TENM3: variants seen among roughly 807,000 people sequenced by gnomAD.
The protein encoded by TENM3 is teneurin transmembrane protein 3.
TENM3 carries 63 observed loss-of-function variants against 255.1 expected under a neutral mutation model. The ratio of observed to expected loss-of-function variants is 0.25; its 90% CI spans 0.20 to 0.30. The LOEUF (loss-of-function observed/expected upper bound fraction) is 0.30, where lower values mean the gene tolerates loss of function less well. TENM3 is among the 10% of genes least tolerant of loss of function. The pLI is 1.00. For missense variants in TENM3, 2,929 were observed against 3,461.1 expected (o/e 0.85, Z 3.86); for synonymous variants, 1,306 against 1,322.3 (o/e 0.99, Z 0.27).
At chr4:182,263,066 T>C (rs1758961501) in intron 1 of TENM3, among the ~76,000 whole-genome samples, 1 of 152,024 alleles carries the variant, frequency 6.6e-6, no homozygotes, top group Non-Finnish European at 1.5e-5. Context: ...TCTCTTGGGG[T>C]CTGGATGGGG....
intron 1 of TENM3, among the ~76,000 whole-genome samples, chr4:182,290,738 CG>C (rs1761066674): frequency 1.3e-5 from 2 of 151,816 alleles, no homozygotes; most frequent in Admixed American, 1.3e-4. Context: ...CTCCTGACCT[CG>C]TGATCCGCCT....
intron 4 of TENM3, among the ~76,000 whole-genome samples, chr4:182,605,237 T>C (rs1748292163): frequency 6.6e-6 from 1 of 152,160 alleles, no homozygotes; most frequent in South Asian, 2.1e-4. Flanking sequence ...TAATTAAAGA[T>C]ACAACTTCAA....
the TENM3 span, among the ~76,000 whole-genome samples, chr4:181,953,310 T>C: frequency 6.6e-6 from 1 of 152,118 alleles, no homozygotes; most frequent in Non-Finnish European, 1.5e-5. Context: ...TCATCAGTCT[T>C]TGTGAATGTC....
At chr4:182,054,379 T>C in the TENM3 span, among the ~76,000 whole-genome samples, 1 of 152,306 alleles carries the variant, frequency 6.6e-6, no homozygotes, top group South Asian at 2.1e-4. Flanking sequence ...AGAGATTAAT[T>C]TCTTTAGCAA....
At position 182,714,188 on chromosome 4, in the gene TENM3, G is replaced by A. The variant is rs754650477; in HGVS notation, c.2323G>A (p.Val775Ile). ...QPGWRGAGCDVAMETLCTDSK... is the reference protein window; with the variant it reads ...QPGWRGAGCDIAMETLCTDSK... ...TGGATGGAGAGGAGCAGGCTGTGAC[G>A]TAGCCATGGAGACTCTTTGCACAGA... Residue 775 changes from valine (V) to isoleucine (I), a missense_variant, in exon 13 of 28, where the codon GTA becomes ATA. This residue lies in a region of TENM3 where 1,608 missense variants were observed against 1,884.4 expected (regional missense o/e 0.85). Transcript: ENST00000511685. 14 of 1,613,726 alleles carry A rather than the reference G, an allele frequency of 8.7e-6. No homozygotes were observed. Among genetic ancestry groups the A allele is most frequent in the South Asian group, 7.7e-5 (7 of 91,072 alleles).
At chr4:181,507,483 T>C in the TENM3 span, among the ~76,000 whole-genome samples, 3,523 of 152,304 alleles carry the variant, frequency 0.023, 72 homozygotes, top group East Asian at 0.069. Context: ...CCGGCACATA[T>C]TAATTTGTGT....
At chr4:182,088,035 T>C in the TENM3 span, among the ~76,000 whole-genome samples, 15 of 152,190 alleles carry the variant, frequency 9.9e-5, no homozygotes, top group Admixed American at 5.9e-4. Flanking sequence ...AATTCTAAAC[T>C]GTTCCATGTG....
chr4:182,174,992 G>C (rs1431874005), intron 1 of TENM3, among the ~76,000 whole-genome samples: 1 of 151,914 alleles, frequency 6.6e-6, no homozygotes, highest in African/African-American at 2.4e-5. Context: ...TCCTTTAAAG[G>C]CTGCAAACAG....
rs143174812 is a variant in TENM3, at chr4:182,519,166, CAA to C, written c.512-81748_512-81747del. ...ACACTGCATTTTGAAGCTTTAGTGC[CAA>C]AAAAAAAAATGTAAAATATGTCAAT... On this transcript the variant is annotated intron_variant, in intron 3 of 27. Transcript: ENST00000511685. Among the ~76,000 whole-genome samples, 101 of 146,702 alleles carry C rather than the reference CAA, an allele frequency of 6.9e-4. No homozygotes were observed. In the East Asian group the frequency reaches 0.013, roughly 19 times the overall value.
intron 3 of TENM3, among the ~76,000 whole-genome samples, chr4:182,510,409 T>C (rs1737272144): frequency 1.3e-5 from 2 of 152,206 alleles, no homozygotes; most frequent in South Asian, 4.1e-4. Flanking sequence ...TGTGATTATG[T>C]CATGTCCCAC....
At chr4:182,648,525 C>T (rs1384274465) in intron 5 of TENM3, among the ~76,000 whole-genome samples, 3 of 152,110 alleles carry the variant, frequency 2.0e-5, no homozygotes, top group Non-Finnish European at 4.4e-5. Context: ...AAGTGATCCG[C>T]CCACCTCAGC....
chr4:182,796,644 C>T lies in TENM3; in HGVS notation c.7221C>T (p.Asn2407=), dbSNP rs1401109420. The change falls in exon 27 of 28, where the codon AAC becomes AAT. Residue 2407 remains asparagine, a synonymous_variant. Transcript: ENST00000511685. ...TGAACATTCTTCTCCTAGATGTTAA[C>T]AGCTGGCTGGTGACATTTGGTTTCC... The part of the protein sequence containing the change: ...HDVKDYITDV[N]SWLVTFGFHL... 1 of 1,606,706 alleles carries T rather than the reference C, an allele frequency of 6.2e-7. No individual in the cohort carries two copies. The highest frequency in any genetic ancestry group is 1.7e-5 in the Admixed American group (1 of 58,934).
the TENM3 span, among the ~76,000 whole-genome samples, chr4:181,499,724 G>A: frequency 1.3e-5 from 2 of 152,168 alleles, no homozygotes; most frequent in Non-Finnish European, 2.9e-5. Flanking sequence ...TGTGCCTGAA[G>A]CCATACAATC....
At chr4:181,545,240 G>T in the TENM3 span, among the ~76,000 whole-genome samples, 2 of 152,020 alleles carry the variant, frequency 1.3e-5, no homozygotes, top group East Asian at 3.9e-4. Flanking sequence ...ATCTGATTTT[G>T]CTAGTAAACA....
the TENM3 span, among the ~76,000 whole-genome samples, chr4:182,024,331 G>C: frequency 6.6e-6 from 1 of 152,116 alleles, no homozygotes; most frequent in Non-Finnish European, 1.5e-5. Context: ...CAAGAGGAAG[G>C]CCATAAAACA....
At chr4:181,597,689 T>C in the TENM3 span, among the ~76,000 whole-genome samples, 1 of 151,998 alleles carries the variant, frequency 6.6e-6, no homozygotes, top group Non-Finnish European at 1.5e-5. Flanking sequence ...TAAATCAGAG[T>C]TCCCGTTGTT....
At chr4:182,180,362 T>A (rs1752764438) in intron 1 of TENM3, among the ~76,000 whole-genome samples, 1 of 152,170 alleles carries the variant, frequency 6.6e-6, no homozygotes, top group Admixed American at 6.6e-5. Context: ...CTAGTTAATA[T>A]GATGTTTATC....
At chr4:182,602,987 G>T (rs900922143) in intron 4 of TENM3, among the ~76,000 whole-genome samples, 22 of 152,144 alleles carry the variant, frequency 1.4e-4, no homozygotes, top group African/African-American at 5.3e-4. Context: ...AAACACAAAA[G>T]CCTCAAAAAC....
chr4:182,414,655 G>A (rs1770237587), intron 3 of TENM3, among the ~76,000 whole-genome samples: 6 of 152,278 alleles, frequency 3.9e-5, no homozygotes, highest in Middle Eastern at 3.4e-3. Context: ...GCATAGAAAT[G>A]TAGTTCACTT....
Sources: allele counts gnomAD v4.1 joint callset (sites outside exome capture counted in the v4.1 genomes callset), GRCh38; gene constraint gnomAD v4.1.1; regional missense constraint gnomAD v4.1.1; transcripts MANE v1.5; gene names NCBI Gene and HGNC (gene_info 2026-07-23, HGNC 2026-07-21).